The following DYNC1I1 variants were observed in gnomAD, a reference collection of about 807,000 sequenced individuals.
DYNC1I1 encodes dynein cytoplasmic 1 intermediate chain 1.
In DYNC1I1, 43 loss-of-function variants were observed where a neutral mutation model predicts 86.6. The ratio of observed to expected loss-of-function variants is 0.50; its 90% CI spans 0.39 to 0.64. The LOEUF is 0.64. Ranked by LOEUF, DYNC1I1 falls within the 30% of genes least tolerant of loss-of-function variation. The pLI is 0.00. For synonymous variants in DYNC1I1, 262 were observed against 283.7 expected (o/e 0.92, Z 0.77); for missense variants, 604 against 788.8 (o/e 0.77, Z 2.81).
chr7:96,059,101 T>A (rs2116155697), intron 14 of DYNC1I1, among the ~76,000 whole-genome samples: 1 of 152,288 alleles, frequency 6.6e-6, no homozygotes, highest in East Asian at 1.9e-4. Context: ...GAATACATTA[T>A]CTTATTGTAT....
intron 13 of DYNC1I1, among the ~76,000 whole-genome samples, chr7:96,038,869 A>C (rs1398292717): frequency 6.6e-6 from 1 of 152,202 alleles, no homozygotes; most frequent in Non-Finnish European, 1.5e-5. Flanking sequence ...CCCCAAAAGG[A>C]GATAAAGCAG....
chr7:95,804,949 G>C, intron 2 of DYNC1I1, 112 bp downstream of exon 2: 1 of 1,413,652 alleles, frequency 7.1e-7, no homozygotes, highest in Non-Finnish European at 9.3e-7. Context: ...TATGATATCT[G>C]AATAAAATGA....
intron 10 of DYNC1I1, among the ~76,000 whole-genome samples, chr7:96,024,499 AT>A (rs1489682408): frequency 6.6e-6 from 1 of 152,216 alleles, no homozygotes; most frequent in Non-Finnish European, 1.5e-5. Context: ...GACTATAAAA[AT>A]ATCTATACAC....
chr7:95,794,623 A>G (rs1794390398), intron 1 of DYNC1I1, among the ~76,000 whole-genome samples: 1 of 152,144 alleles, frequency 6.6e-6, no homozygotes, highest in Non-Finnish European at 1.5e-5. Flanking sequence ...TTTTCTCTCT[A>G]GCATAATGGG....
intron 6 of DYNC1I1, among the ~76,000 whole-genome samples, chr7:95,905,048 GT>G (rs1286889575): frequency 6.6e-6 from 1 of 152,168 alleles, no homozygotes; most frequent in Non-Finnish European, 1.5e-5. Flanking sequence ...GTTTCCCTGT[GT>G]AAGTTCTCTA....
intron 16 of DYNC1I1, among the ~76,000 whole-genome samples, chr7:96,104,434 T>A (rs1281245348): frequency 3.3e-5 from 5 of 152,182 alleles, no homozygotes; most frequent in Non-Finnish European, 5.9e-5. Flanking sequence ...TACTTTCTAG[T>A]AAATCTTTGC....
At chr7:96,080,160 T>A (rs183701987) in intron 15 of DYNC1I1, among the ~76,000 whole-genome samples, 148 of 152,346 alleles carry the variant, frequency 9.7e-4, no homozygotes, top group African/African-American at 3.4e-3. Flanking sequence ...TTTGTTAAAG[T>A]GTCTCTTCTC....
At chr7:95,997,676 T>A (rs1174220395) in intron 10 of DYNC1I1, among the ~76,000 whole-genome samples, 2 of 151,348 alleles carry the variant, frequency 1.3e-5, no homozygotes, top group Non-Finnish European at 2.9e-5. Context: ...TTTTTTAGTT[T>A]CTCCCTTAAT....
intron 10 of DYNC1I1, among the ~76,000 whole-genome samples, chr7:96,009,518 C>A (rs1042353968): frequency 1.3e-5 from 2 of 152,158 alleles, no homozygotes; most frequent in African/African-American, 4.8e-5. Flanking sequence ...AAAAATGATT[C>A]TCTCCCCCAA....
chr7:96,019,926 G>A (rs1178464140), intron 10 of DYNC1I1, among the ~76,000 whole-genome samples: 1 of 151,998 alleles, frequency 6.6e-6, no homozygotes, highest in Non-Finnish European at 1.5e-5. Flanking sequence ...TTGTTTATCT[G>A]TCTTTAAACT....
chr7:96,063,591 G>A (rs899433003), intron 14 of DYNC1I1, among the ~76,000 whole-genome samples: 1 of 151,842 alleles, frequency 6.6e-6, no homozygotes, highest in African/African-American at 2.4e-5. Context: ...GCTTCCCTTT[G>A]TACACGTTTG....
intron 1 of DYNC1I1, among the ~76,000 whole-genome samples, chr7:95,788,584 G>T (rs985358551): frequency 1.1e-4 from 16 of 152,314 alleles, no homozygotes; most frequent in Middle Eastern, 3.4e-3. Context: ...TGGTCAGGGC[G>T]ATGTCAGTTG....
chr7:95,812,003 C>T lies in DYNC1I1; in HGVS notation c.224-1244C>T, dbSNP rs113989015. 6.0e-3 allele frequency among the ~76,000 whole-genome samples: 908 copies of T among 152,240 alleles called. 8 individuals are homozygous for T. The highest frequency in any genetic ancestry group is 0.02 in the African/African-American group (837 of 41,558). On this transcript the variant is annotated intron_variant, in intron 3 of 16. Transcript: ENST00000447467. The stretch of plus-strand genomic sequence containing the variant: ...AACCATGACCAACTTTTGAAGTATC[C>T]TTGCATTACTGCCAACGGACTCTGG...
intron 6 of DYNC1I1, among the ~76,000 whole-genome samples, chr7:95,975,413 CT>C (rs1793278818): frequency 6.6e-6 from 1 of 152,134 alleles, no homozygotes; most frequent in South Asian, 2.1e-4. Flanking sequence ...TTCTGGCACT[CT>C]TTGGTGTTCC....
intron 1 of DYNC1I1, among the ~76,000 whole-genome samples, chr7:95,800,137 G>A (rs1004358840): frequency 2.0e-5 from 3 of 150,888 alleles, no homozygotes; most frequent in East Asian, 1.9e-4. Flanking sequence ...AAGTGGAGAT[G>A]AGCTGTAGTG....
At chr7:95,875,548 A>T (rs1358576196) in intron 6 of DYNC1I1, among the ~76,000 whole-genome samples, 1 of 152,216 alleles carries the variant, frequency 6.6e-6, no homozygotes, top group African/African-American at 2.4e-5. Context: ...GCCCAAATTC[A>T]TAGAGTCCCC....
chr7:95,979,355 A>G (rs1420896088), intron 7 of DYNC1I1, among the ~76,000 whole-genome samples: 4 of 152,216 alleles, frequency 2.6e-5, no homozygotes, highest in Admixed American at 6.5e-5. Context: ...CATCTGGCAA[A>G]CAGGTTTTTA....
At chr7:95,805,020 C>A (rs897701183) in intron 2 of DYNC1I1, among the ~76,000 whole-genome samples, 183 bp downstream of exon 2, 1 of 152,180 alleles carries the variant, frequency 6.6e-6, no homozygotes, top group African/African-American at 2.4e-5. Flanking sequence ...TCAGCCATCA[C>A]CTAAATGGGG....
At chr7:95,904,048 A>G (rs1791108813) in intron 6 of DYNC1I1, among the ~76,000 whole-genome samples, 1 of 152,110 alleles carries the variant, frequency 6.6e-6, no homozygotes, top group Admixed American at 6.6e-5. Context: ...AAAGATTTCT[A>G]GTCCAGTTTT....
Sources: allele counts gnomAD v4.1 joint callset (sites outside exome capture counted in the v4.1 genomes callset), GRCh38; gene constraint gnomAD v4.1.1; transcripts MANE v1.5; gene names NCBI Gene and HGNC (gene_info 2026-07-23, HGNC 2026-07-21).